DLC1: variants seen among roughly 807,000 people sequenced by gnomAD.
DLC1 encodes DLC1 Rho GTPase activating protein, also known as rho GTPase-activating protein 7.
DLC1 carries 54 observed loss-of-function variants against 140.3 expected under a neutral mutation model. The ratio of observed to expected loss-of-function variants is 0.38; its 90% confidence interval spans 0.31 to 0.48. DLC1 has a LOEUF of 0.48. Ranked by LOEUF, DLC1 falls within the 20% of genes least tolerant of loss-of-function variation. The pLI, the probability that DLC1 is intolerant of heterozygous loss-of-function variation, is 0.96. For missense variants in DLC1, 2,536 were observed against 1,907.0 expected (o/e 1.33, Z -6.14); for synonymous variants, 986 against 728.1 (o/e 1.35, Z -5.70).
intron 5 of DLC1, among the ~76,000 whole-genome samples, chr8:13,171,349 C>T (rs763373307): frequency 1.3e-5 from 2 of 152,036 alleles, no homozygotes; most frequent in Non-Finnish European, 2.9e-5. Flanking sequence ...CACTAGGGAC[C>T]GAAATAACTC....
chr8:13,566,919 C>G (rs2117397187), intron 1 of DLC1: 1 of 1,454,546 alleles, frequency 6.9e-7, no homozygotes. Flanking sequence ...CCGGAGGGGT[C>G]AGCTCCTGAC....
chr8:13,532,162 T>A (rs2898362), intron 1 of DLC1, among the ~76,000 whole-genome samples: 1 of 152,146 alleles, frequency 6.6e-6, no homozygotes, highest in Non-Finnish European at 1.5e-5. Flanking sequence ...TCCAAGACTT[T>A]GGGAGCCTTA....
chr8:13,540,352 T>C (rs983308214), intron 1 of DLC1, among the ~76,000 whole-genome samples: 3 of 152,218 alleles, frequency 2.0e-5, no homozygotes, highest in Non-Finnish European at 4.4e-5. Context: ...AACTAACCGT[T>C]CATATTTTCT....
At chr8:13,590,283 G>A (rs1459809875) in intron 1 of DLC1, among the ~76,000 whole-genome samples, 1 of 151,748 alleles carries the variant, frequency 6.6e-6, no homozygotes, top group Admixed American at 6.6e-5. Flanking sequence ...TAAGGTAGAA[G>A]CCATAAAACC....
chr8:13,200,629 G>T (rs1178671660), intron 5 of DLC1, among the ~76,000 whole-genome samples: 1 of 152,062 alleles, frequency 6.6e-6, no homozygotes, highest in East Asian at 1.9e-4. Flanking sequence ...TAGAGAGGCA[G>T]AGTCTCACTC....
chr8:13,146,493 T>G (rs1038680468), intron 5 of DLC1, among the ~76,000 whole-genome samples: 2 of 151,912 alleles, frequency 1.3e-5, no homozygotes, highest in Admixed American at 6.6e-5. Flanking sequence ...ATCACCAAAT[T>G]GGCCCTATTT....
chr8:13,267,656 C>T lies in DLC1; in HGVS notation c.1348+37613G>A, dbSNP rs566956859. 3.8e-4 allele frequency among the ~76,000 whole-genome samples: 58 copies of T among 152,064 alleles called. 2 individuals carry two copies. In the South Asian group the frequency reaches 0.012, roughly 30 times the overall value. On this transcript the variant is annotated intron_variant, in intron 5 of 17. Transcript: ENST00000276297. Reference sequence around the variant, plus strand: ...CAGATGTTATATTATGACTTTTACACCAGCAACCTATAACTCAGGAATCTT... The same window carrying T: ...CAGATGTTATATTATGACTTTTACATCAGCAACCTATAACTCAGGAATCTT...
At chr8:13,428,710 G>A (rs1009865193) in intron 2 of DLC1, among the ~76,000 whole-genome samples, 3 of 140,926 alleles carry the variant, frequency 2.1e-5, no homozygotes, top group Non-Finnish European at 4.7e-5. Context: ...AAAAACCTAT[G>A]CAAGATGGAT....
At chr8:13,202,932 C>T (rs980780096) in intron 5 of DLC1, among the ~76,000 whole-genome samples, 4 of 152,122 alleles carry the variant, frequency 2.6e-5, no homozygotes, top group African/African-American at 9.7e-5. Context: ...CCTCAGCCTC[C>T]CAAAATGCTA....
At chr8:13,420,793 C>A (rs1019592167) in intron 2 of DLC1, among the ~76,000 whole-genome samples, 1 of 152,038 alleles carries the variant, frequency 6.6e-6, no homozygotes, top group Non-Finnish European at 1.5e-5. Context: ...ATTTTCCTGA[C>A]CATTTTTGAC....
intron 5 of DLC1, among the ~76,000 whole-genome samples, chr8:13,193,993 A>G (rs1415412371): frequency 6.6e-6 from 1 of 152,216 alleles, no homozygotes; most frequent in Admixed American, 6.5e-5. Flanking sequence ...ATTCAGGCTT[A>G]TATGTGCACT....
intron 2 of DLC1, among the ~76,000 whole-genome samples, chr8:13,494,354 A>G (rs1313232250): frequency 6.6e-6 from 1 of 152,164 alleles, no homozygotes; most frequent in African/African-American, 2.4e-5. Flanking sequence ...CAGTTCCTTT[A>G]TTGCTAGATA....
chr8:13,562,507 A>C (rs1217324288), intron 1 of DLC1, among the ~76,000 whole-genome samples: 1 of 152,212 alleles, frequency 6.6e-6, no homozygotes, highest in African/African-American at 2.4e-5. Flanking sequence ...TTCAATTTAA[A>C]ATTACGCTGA....
intron 5 of DLC1, among the ~76,000 whole-genome samples, chr8:13,239,703 G>A (rs1829459809): frequency 1.3e-5 from 2 of 152,170 alleles, no homozygotes; most frequent in Admixed American, 6.5e-5. Flanking sequence ...GTAATCTCAG[G>A]CCTGGGCTAT....
intron 4 of DLC1, among the ~76,000 whole-genome samples, chr8:13,345,547 CTTTTTTTT>C (rs535092622): frequency 4.3e-4 from 29 of 67,520 alleles, no homozygotes; most frequent in African/African-American, 1.7e-3. Context: ...TTCACTCACA[CTTTTTTTT>C]TTTTTTTTTT....
intron 4 of DLC1, among the ~76,000 whole-genome samples, chr8:13,365,181 T>C (rs1321489307): frequency 1.3e-5 from 2 of 152,196 alleles, no homozygotes; most frequent in East Asian, 3.9e-4. Flanking sequence ...GTCGAGAGAA[T>C]ACCCTGTAGG....
chr8:13,316,140 T>C (rs1016989555), intron 4 of DLC1, among the ~76,000 whole-genome samples: 17 of 152,296 alleles, frequency 1.1e-4, no homozygotes, highest in Admixed American at 1.1e-3. Context: ...CAGCTAACCC[T>C]TTCTGATTTC....
chr8:13,392,858 C>T (rs901721913), intron 4 of DLC1, among the ~76,000 whole-genome samples: 1 of 152,108 alleles, frequency 6.6e-6, no homozygotes, highest in African/African-American at 2.4e-5. Flanking sequence ...GTAAAGTCTA[C>T]TAATTATCAT....
chr8:13,268,572 A>G (rs1830785827), intron 5 of DLC1, among the ~76,000 whole-genome samples: 1 of 152,148 alleles, frequency 6.6e-6, no homozygotes, highest in Non-Finnish European at 1.5e-5. Flanking sequence ...ATTTGTAATG[A>G]CGGAGTCTTG....
Sources: gnomAD v4.1 joint callset for allele counts (sites outside exome capture counted in the v4.1 genomes callset) on GRCh38, gnomAD v4.1.1 for gene constraint, MANE v1.5 for transcripts, NCBI Gene and HGNC (gene_info 2026-07-23, HGNC 2026-07-21) for gene names.